ADAMTSL1: variants seen among roughly 807,000 people sequenced by gnomAD.
The protein encoded by ADAMTSL1 is ADAMTS like 1, also known as ADAMTS-like protein 1.
A neutral mutation model predicts 201.8 loss-of-function variants in ADAMTSL1; 126 were observed. The observed-to-expected ratio is 0.62, with a 90% CI of 0.54 to 0.72. The LOEUF (loss-of-function observed/expected upper bound fraction) is 0.72. ADAMTSL1 is among the 30% of genes least tolerant of loss of function. ADAMTSL1 has a pLI of 0.00. For missense variants in ADAMTSL1, 2,679 were observed against 2,277.8 expected (o/e 1.18, Z -3.59); for synonymous variants, 1,121 against 903.4 (o/e 1.24, Z -4.32).
At chr9:18,539,889 G>A (rs1820019020) in intron 3 of ADAMTSL1, among the ~76,000 whole-genome samples, 1 of 152,082 alleles carries the variant, frequency 6.6e-6, no homozygotes, top group African/African-American at 2.4e-5. Context: ...AAATGGAATT[G>A]TTTGGTATTC....
chr9:18,607,854 T>G (rs1051229830), intron 4 of ADAMTSL1, among the ~76,000 whole-genome samples: 1 of 152,102 alleles, frequency 6.6e-6, no homozygotes, highest in South Asian at 2.1e-4. Flanking sequence ...TGCGATAGTT[T>G]GCCGAGAATG....
intron 1 of ADAMTSL1, among the ~76,000 whole-genome samples, chr9:17,982,071 T>A (rs1563932153): frequency 1.3e-5 from 2 of 152,224 alleles, no homozygotes; most frequent in Non-Finnish European, 2.9e-5. Flanking sequence ...ACTACTTGCT[T>A]AAACATTTTC....
intron 2 of ADAMTSL1, among the ~76,000 whole-genome samples, chr9:18,419,892 A>T (rs1406240626): frequency 6.6e-6 from 1 of 151,782 alleles, no homozygotes; most frequent in Non-Finnish European, 1.5e-5. Context: ...ACTACACCCA[A>T]CTTATTTTTG....
intron 1 of ADAMTSL1, among the ~76,000 whole-genome samples, chr9:18,004,072 G>A (rs1819719783): frequency 6.6e-6 from 1 of 151,892 alleles, no homozygotes; most frequent in African/African-American, 2.4e-5. Context: ...CTTATATACC[G>A]AAGAAAGGGT....
chr9:18,233,315 C>A (rs1187492458), intron 2 of ADAMTSL1, among the ~76,000 whole-genome samples: 4 of 152,102 alleles, frequency 2.6e-5, no homozygotes, highest in Non-Finnish European at 1.5e-5. Context: ...CAAAAAATAA[C>A]CTGTAACTTC....
intron 23 of ADAMTSL1, among the ~76,000 whole-genome samples, chr9:18,863,774 T>C (rs1490239318): frequency 6.6e-6 from 1 of 152,118 alleles, no homozygotes; most frequent in South Asian, 2.1e-4. Flanking sequence ...TTCCCTACTT[T>C]TGCTCAGTCA....
At chr9:18,693,792 T>G (rs1387679691) in intron 13 of ADAMTSL1, among the ~76,000 whole-genome samples, 1 of 152,226 alleles carries the variant, frequency 6.6e-6, no homozygotes, top group Non-Finnish European at 1.5e-5. Context: ...ATTTGCATTG[T>G]GATTATCAAA....
chr9:18,035,399 C>G (rs76288315), intron 1 of ADAMTSL1, among the ~76,000 whole-genome samples: 3,460 of 152,176 alleles, frequency 0.023, 48 homozygotes, highest in Middle Eastern at 0.041. Context: ...CAGATTGTGT[C>G]CTTTATCTTG....
intron 2 of ADAMTSL1, among the ~76,000 whole-genome samples, chr9:18,375,145 C>G (rs1291014081): frequency 1.3e-5 from 2 of 152,202 alleles, no homozygotes; most frequent in African/African-American, 2.4e-5. Flanking sequence ...CTGACCAGAG[C>G]TGAGACAACT....
intron 1 of ADAMTSL1, among the ~76,000 whole-genome samples, chr9:18,475,094 C>T (rs1275121192): frequency 1.3e-5 from 2 of 152,124 alleles, no homozygotes. Context: ...AATAGCAATG[C>T]ACATTTTTTA....
intron 7 of ADAMTSL1, among the ~76,000 whole-genome samples, chr9:18,644,537 C>CT (rs1827662140): frequency 6.6e-6 from 1 of 151,842 alleles, no homozygotes; most frequent in African/African-American, 2.4e-5. Flanking sequence ...TCCCTCCCCC[C>CT]TACCCCCACC....
intron 14 of ADAMTSL1, chr9:18,717,990 A>T (rs1833063085): frequency 6.3e-7 from 1 of 1,590,620 alleles, no homozygotes; most frequent in Admixed American, 1.7e-5. Flanking sequence ...AGCTGACATG[A>T]TGACTTTTTG....
intron 2 of ADAMTSL1, among the ~76,000 whole-genome samples, chr9:18,382,068 G>T (rs1837582079): frequency 6.6e-6 from 1 of 152,162 alleles, no homozygotes; most frequent in Non-Finnish European, 1.5e-5. Flanking sequence ...TGATAAAGCA[G>T]ACTCATGCAA....
intron 1 of ADAMTSL1, among the ~76,000 whole-genome samples, chr9:17,924,629 G>C (rs1338192142): frequency 4.0e-5 from 6 of 148,714 alleles, no homozygotes; most frequent in Admixed American, 6.8e-5. Flanking sequence ...AATAAATGGT[G>C]CTGGGAAAAC....
At chr9:18,639,663 C>T in intron 7 of ADAMTSL1, among the ~76,000 whole-genome samples, 1 of 151,790 alleles carries the variant, frequency 6.6e-6, no homozygotes, top group East Asian at 1.9e-4. Flanking sequence ...ATAAAATAAC[C>T]CCACCTAAGA....
chr9:18,467,539 T>C (rs1317068568), intron 2 of ADAMTSL1, among the ~76,000 whole-genome samples: 2 of 152,328 alleles, frequency 1.3e-5, no homozygotes, highest in South Asian at 2.1e-4. Context: ...TTCAAATATA[T>C]TGAAAATATT....
At chr9:18,265,547 C>T (rs1412659779) in intron 2 of ADAMTSL1, among the ~76,000 whole-genome samples, 8 of 152,086 alleles carry the variant, frequency 5.3e-5, no homozygotes, top group Admixed American at 5.2e-4. Context: ...TATTGAATGA[C>T]TGAATGAATA....
intron 4 of ADAMTSL1, among the ~76,000 whole-genome samples, chr9:18,620,798 G>T (rs554626141): frequency 6.6e-6 from 1 of 151,952 alleles, no homozygotes; most frequent in Admixed American, 6.6e-5. Flanking sequence ...TGACATCTTT[G>T]CATTTAAAAA....
At chr9:18,795,350 G>C in intron 19 of ADAMTSL1, 47 bp from the exon 20 acceptor site, 4 of 1,608,706 alleles carry the variant, frequency 2.5e-6, no homozygotes, top group Non-Finnish European at 3.4e-6. Flanking sequence ...TGCCAAAAAG[G>C]AGTCAACTGA....
Sources: gnomAD v4.1 joint callset for allele counts (sites outside exome capture counted in the v4.1 genomes callset) on GRCh38, gnomAD v4.1.1 for gene constraint, MANE v1.5 for transcripts, NCBI Gene and HGNC (gene_info 2026-07-23, HGNC 2026-07-21) for gene names.